The following RPRD2 variants were observed in gnomAD, a reference collection of about 807,000 sequenced individuals.
RPRD2 encodes the protein regulation of nuclear pre-mRNA domain containing 2.
Under a neutral mutation model 104.4 loss-of-function variants are expected in RPRD2, and 12 were observed. The ratio of observed to expected loss-of-function variants is 0.11; its 90% CI spans 0.07 to 0.19. The LOEUF is 0.19. Ranked by LOEUF, RPRD2 falls within the 10% of genes least tolerant of loss-of-function variation. The pLI is 1.00. For synonymous variants in RPRD2, 714 were observed against 684.9 expected (o/e 1.04, Z -0.66); for missense variants, 1,543 against 1,790.1 (o/e 0.86, Z 2.49).
chr1:150,469,813 C>A (rs1668491932), intron 10 of RPRD2, among the ~76,000 whole-genome samples: 2 of 151,962 alleles, frequency 1.3e-5, no homozygotes, highest in East Asian at 3.9e-4. Flanking sequence ...CTAAATAATC[C>A]TTGGATTTTC....
At chr1:150,435,076 A>G (rs587720203) in intron 2 of RPRD2, among the ~76,000 whole-genome samples, 1 of 152,294 alleles carries the variant, frequency 6.6e-6, no homozygotes, top group Admixed American at 6.5e-5. Flanking sequence ...TATTTGCAAC[A>G]TTTCAAATTT....
chr1:150,473,521 A>G lies in RPRD2; in HGVS notation c.*187A>G, dbSNP rs1293701239. ...ACTATTCAATTCAATCCTCCCTCCC[A>G]TTGCACTTATCTACCTTCCCCAAGT... On this transcript the variant is annotated 3_prime_UTR_variant, in exon 11 of 11. Coordinates refer to ENST00000369068, the MANE Select transcript of RPRD2 (RefSeq NM_015203.5). 2.3e-5 allele frequency: 7 copies of G among 301,580 alleles called. No homozygotes were observed. The allele number at this position is 301,580 out of a possible 1,614,324, so 18.7% of individuals were successfully genotyped here.
At position 150,444,332 on chromosome 1, in the gene RPRD2, A is replaced by G. The variant is rs782029235; in HGVS notation, c.649A>G (p.Met217Val). The G allele has an allele frequency of 4.3e-6, 7 of 1,613,942 alleles. No individual in the cohort carries two copies. Among genetic ancestry groups the G allele is most frequent in the South Asian group, 2.2e-5 (2 of 91,090 alleles). Reference sequence around the variant, plus strand: ...ACTGAAGGAAAAGCAGTTGTCAACTATGAGGGTGGATGTGTGCAGCACAGA... The same window carrying G: ...ACTGAAGGAAAAGCAGTTGTCAACTGTGAGGGTGGATGTGTGCAGCACAGA... ...IELKEKQLST[M>V]RVDVCSTETL... is the part of the protein sequence containing the mutation. Residue 217 changes from methionine (M) to valine (V), a missense_variant, in exon 6 of 11, where the codon ATG (methionine) becomes GTG (valine). Met to Val is a conservative substitution (Grantham distance 21). Transcript: ENST00000369068.
intron 1 of RPRD2, among the ~76,000 whole-genome samples, chr1:150,377,755 T>A (rs974007048): frequency 7.9e-5 from 12 of 152,166 alleles, no homozygotes; most frequent in Non-Finnish European, 2.9e-5. Flanking sequence ...TGAGGATCCT[T>A]ACTAGCTATC....
At chr1:150,384,451 ATTATTATTATTATTATTATTAT>A (rs1191058494) in intron 1 of RPRD2, among the ~76,000 whole-genome samples, 82 of 27,720 alleles carry the variant, frequency 3.0e-3, no homozygotes, top group African/African-American at 7.7e-3. Context: ...CATCATCATC[ATTATTATTATTATTATTATTAT>A]TATTATTATT....
chr1:150,406,842 G>A (rs1663523267), intron 1 of RPRD2, among the ~76,000 whole-genome samples: 1 of 152,114 alleles, frequency 6.6e-6, no homozygotes, highest in Non-Finnish European at 1.5e-5. Flanking sequence ...AACTTCCCGA[G>A]TAGCTGGGAT....
Position 150,471,086 on chromosome 1 carries a change from C to T in RPRD2, c.2138C>T (p.Thr713Ile). The T allele has an allele frequency of 6.2e-7, 1 of 1,614,034 alleles. No individual in the cohort carries two copies. Among genetic ancestry groups the T allele is most frequent in the East Asian group, 2.2e-5 (1 of 44,888 alleles). ...SHPSDFQRGPTSTSIDNIDGT... is the reference protein window; with the variant it reads ...SHPSDFQRGPISTSIDNIDGT... ...CCCTCAGACTTCCAGCGTGGCCCTA[C>T]TAGCACCTCAATCGACAACATTGAT... is the stretch of plus-strand genomic sequence containing the variant. The change falls in exon 11 of 11, where the codon ACT becomes ATT. Residue 713 changes from threonine to isoleucine, a missense_variant. Transcript: ENST00000369068. This position sits in a 1 kb window ranked among gnomAD's most constrained non-coding sequence, Gnocchi z 5.3.
intron 1 of RPRD2, among the ~76,000 whole-genome samples, chr1:150,409,647 C>CTTTTTTTT (rs10684353): frequency 2.6e-5 from 3 of 114,608 alleles, no homozygotes; most frequent in Admixed American, 1.0e-4. Flanking sequence ...TGTTGCAATT[C>CTTTTTTTT]TTTTTTTTTT....
chr1:150,419,772 G>A lies in RPRD2; in HGVS notation c.335+2047G>A, dbSNP rs587684042. 1.3e-4 allele frequency among the ~76,000 whole-genome samples: 20 copies of A among 152,250 alleles called. No individual in the cohort carries two copies. The East Asian group carries it at 3.9e-3, about 29-fold the overall frequency. On this transcript the variant is annotated intron_variant, in intron 2 of 10. Transcript: ENST00000369068. ...AGCCTCCCGAGTAGCCAGGATTACA[G>A]GCATGCGCCACCACGCCCAGCTAAT...
Position 150,471,038 on chromosome 1 carries a change from C to G in RPRD2, c.2090C>G (p.Ser697Cys), listed in dbSNP as rs1323602120. The G allele has an allele frequency of 1.2e-6, 2 of 1,613,988 alleles. No individual in the cohort carries two copies. The highest frequency in any genetic ancestry group is 1.3e-5 in the African/African-American group (1 of 75,042). ...LNIPILSSLG[S>C]SAPSESHPSD... is the part of the protein sequence containing the mutation. ...ATCCCAATCCTGAGCAGTTTGGGGT[C>G]CAGCGCCCCATCAGAGAGCCATCCC... The change falls in exon 11 of 11, where the codon TCC (serine) becomes TGC (cysteine). Residue 697 changes from serine (S) to cysteine (C), a missense_variant. Transcript: ENST00000369068. This position sits in a 1 kb window ranked among gnomAD's most constrained non-coding sequence, Gnocchi z 5.3.
At chr1:150,412,572 T>G (rs1664019027) in intron 1 of RPRD2, among the ~76,000 whole-genome samples, 4 of 152,076 alleles carry the variant, frequency 2.6e-5, no homozygotes, top group Admixed American at 2.0e-4. Context: ...TTGGCAATTG[T>G]GAGTAATTCA....
At chr1:150,417,912 C>T (rs1371552838) in intron 2 of RPRD2, among the ~76,000 whole-genome samples, 187 bp downstream of exon 2, 6 of 148,962 alleles carry the variant, frequency 4.0e-5, no homozygotes, top group East Asian at 3.9e-4. Flanking sequence ...TTTTCTTTTT[C>T]TCTCTCTCTC....
At chr1:150,455,501 CA>C (rs587732943) in intron 7 of RPRD2, among the ~76,000 whole-genome samples, 7,207 of 138,024 alleles carry the variant, frequency 0.052, 426 homozygotes, top group African/African-American at 0.14. Context: ...GACTCCATCT[CA>C]AAAAAAAAAA....
At position 150,471,708 on chromosome 1, in the gene RPRD2, G is replaced by A. The variant is rs1668598703; in HGVS notation, c.2760G>A (p.Gly920=). The A allele has an allele frequency of 6.2e-7, 1 of 1,613,744 alleles. No homozygotes were observed. The highest frequency in any genetic ancestry group is 8.5e-7 in the Non-Finnish European group (1 of 1,179,874). ...TATTTGGTGCCTTCAGCGTAAGAGG[G>A]AATGAACCTGGGTCTGACCGGTCAC... ...PGLFGAFSVR[G]NEPGSDRSPS... The change falls in exon 11 of 11, where the codon GGG becomes GGA. Residue 920 remains glycine (G), a synonymous_variant. Coordinates refer to ENST00000369068, the MANE Select transcript of RPRD2 (RefSeq NM_015203.5). The surrounding 1 kb of genome is among the most constrained non-coding windows in gnomAD (Gnocchi z 5.3).
chr1:150,447,639 ACTT>A (rs1553895805), intron 7 of RPRD2, among the ~76,000 whole-genome samples: 5 of 152,082 alleles, frequency 3.3e-5, no homozygotes. Context: ...CAGCCAGGGA[ACTT>A]CTTTTTATTC....
intron 1 of RPRD2, 43 bp from the exon 2 acceptor site, chr1:150,417,553 A>G: frequency 2.8e-6 from 4 of 1,445,366 alleles, no homozygotes; most frequent in Non-Finnish European, 3.7e-6. Flanking sequence ...CTAAGTGCAA[A>G]TTGACTCATT....
chr1:150,461,015 G>A (rs1304883900), intron 9 of RPRD2, among the ~76,000 whole-genome samples: 4 of 151,788 alleles, frequency 2.6e-5, no homozygotes, highest in South Asian at 2.1e-4. Context: ...GTGAGCCAGC[G>A]CACCCAGCTA....
intron 2 of RPRD2, among the ~76,000 whole-genome samples, chr1:150,424,295 T>C (rs1664962308): frequency 6.6e-6 from 1 of 152,042 alleles, no homozygotes; most frequent in Non-Finnish European, 1.5e-5. Context: ...CTATTTTTTT[T>C]TTCTTTTTAT....
chr1:150,384,265 T>C (rs1256182889), intron 1 of RPRD2, among the ~76,000 whole-genome samples: 1 of 151,942 alleles, frequency 6.6e-6, no homozygotes, highest in Admixed American at 6.6e-5. Flanking sequence ...CAATTTATAT[T>C]TGTATACAGT....
Sources: gnomAD v4.1 joint callset for allele counts (sites outside exome capture counted in the v4.1 genomes callset) on GRCh38, gnomAD v4.1.1 for gene constraint, Gnocchi (gnomAD v3.1) non-coding constraint, MANE v1.5 for transcripts, NCBI Gene and HGNC (gene_info 2026-07-23, HGNC 2026-07-21) for gene names.